PTPRT: variants seen among roughly 807,000 people sequenced by gnomAD.
PTPRT encodes the protein receptor-type tyrosine-protein phosphatase T.
In PTPRT, 56 loss-of-function variants were observed where a neutral mutation model predicts 176.8. The ratio of observed to expected loss-of-function variants is 0.32; its 90% CI spans 0.26 to 0.40. The LOEUF (loss-of-function observed/expected upper bound fraction) is 0.40. Among genes scored for constraint, PTPRT ranks in the 10% least tolerant of loss-of-function variants. The pLI, the probability that PTPRT is intolerant of heterozygous loss-of-function variation, is 1.00. For missense variants in PTPRT, 1,540 were observed against 1,908.2 expected, an observed-to-expected ratio of 0.81 and a Z score of 3.60; for synonymous variants, 783 against 739.0, an observed-to-expected ratio of 1.06 and a Z score of -0.96.
intron 1 of PTPRT, among the ~76,000 whole-genome samples, chr20:42,940,793 G>A (rs1980491948): frequency 6.6e-6 from 1 of 152,036 alleles, no homozygotes; most frequent in Non-Finnish European, 1.5e-5. Context: ...CAAAAAAATA[G>A]GATTTCAGCT....
chr20:42,553,612 T>C (rs1455825746), intron 7 of PTPRT, among the ~76,000 whole-genome samples: 1 of 152,110 alleles, frequency 6.6e-6, no homozygotes, highest in East Asian at 1.9e-4. Context: ...TACACATACT[T>C]TTACTTGACC....
At chr20:42,432,252 G>A (rs1236223406) in intron 9 of PTPRT, among the ~76,000 whole-genome samples, 1 of 152,112 alleles carries the variant, frequency 6.6e-6, no homozygotes, top group Non-Finnish European at 1.5e-5. Context: ...GCCCTTCCTG[G>A]GAGGCTGCTG....
At chr20:42,715,703 A>T (rs1046477839) in intron 6 of PTPRT, among the ~76,000 whole-genome samples, 2 of 152,212 alleles carry the variant, frequency 1.3e-5, no homozygotes, top group Non-Finnish European at 2.9e-5. Context: ...TGAGAATTTT[A>T]AAAAAACATA....
intron 16 of PTPRT, among the ~76,000 whole-genome samples, chr20:42,195,222 C>T (rs1010624515): frequency 2.0e-5 from 3 of 152,190 alleles, no homozygotes; most frequent in Admixed American, 6.5e-5. Flanking sequence ...TTGAATTAGG[C>T]TAGGGCCTAC....
intron 1 of PTPRT, among the ~76,000 whole-genome samples, chr20:43,033,932 C>T (rs1986258855): frequency 6.6e-6 from 1 of 152,202 alleles, no homozygotes; most frequent in Non-Finnish European, 1.5e-5. Flanking sequence ...CTGCCTCTCA[C>T]CGCACTACGC....
chr20:42,302,426 G>T (rs780109433), intron 12 of PTPRT, among the ~76,000 whole-genome samples: 111 of 152,098 alleles, frequency 7.3e-4, no homozygotes, highest in Non-Finnish European at 1.3e-3. Flanking sequence ...TTCTGCTCAG[G>T]TGCTTCCTTT....
intron 7 of PTPRT, among the ~76,000 whole-genome samples, chr20:42,571,847 C>T (rs2073160497): frequency 6.6e-6 from 1 of 152,154 alleles, no homozygotes; most frequent in African/African-American, 2.4e-5. Flanking sequence ...GGAAAGAATG[C>T]CCCAGCCCCT....
In PTPRT at chr20:43,169,539, G is replaced by A. The variant is rs955581002; in HGVS notation, c.88+20107C>T. 5.9e-5 allele frequency among the ~76,000 whole-genome samples: 9 copies of A among 152,160 alleles called. 1 individual carries two copies. The highest frequency in any genetic ancestry group is 1.9e-4 in the East Asian group (1 of 5,172). On this transcript the variant is annotated intron_variant, in intron 1 of 30. Transcript: ENST00000373187. The stretch of plus-strand genomic sequence containing the variant: ...ATGTAGCAACAGTTAACTAACACAG[G>A]GTCCAAACTGTCATTTCAATTCGAA...
At chr20:42,624,882 A>AC (rs1436461923) in intron 7 of PTPRT, among the ~76,000 whole-genome samples, 1 of 152,158 alleles carries the variant, frequency 6.6e-6, no homozygotes, top group African/African-American at 2.4e-5. Flanking sequence ...ACTAGCATAT[A>AC]CGGTGAGGAA....
chr20:42,167,994 T>C (rs946635638), intron 16 of PTPRT, among the ~76,000 whole-genome samples: 15 of 152,324 alleles, frequency 9.8e-5, no homozygotes, highest in Admixed American at 3.3e-4. Context: ...AACACACATG[T>C]TGTATGTTAT....
chr20:42,426,104 G>A (rs1413215775), intron 9 of PTPRT, among the ~76,000 whole-genome samples: 1 of 152,098 alleles, frequency 6.6e-6, no homozygotes, highest in African/African-American at 2.4e-5. Flanking sequence ...ATACTGGGTA[G>A]AAGAGGGTTC....
chr20:42,376,882 G>C (rs1400375828), intron 9 of PTPRT, among the ~76,000 whole-genome samples: 1 of 152,138 alleles, frequency 6.6e-6, no homozygotes, highest in South Asian at 2.1e-4. Flanking sequence ...TGAAAGGCGC[G>C]ATAAGGAAGT....
At chr20:42,431,807 A>G (rs1302300235) in intron 9 of PTPRT, among the ~76,000 whole-genome samples, 1 of 152,154 alleles carries the variant, frequency 6.6e-6, no homozygotes, top group African/African-American at 2.4e-5. Flanking sequence ...TTCAGTCATG[A>G]AGACTCTCTA....
chr20:42,689,766 G>A (rs779545758), intron 6 of PTPRT, among the ~76,000 whole-genome samples: 3 of 152,134 alleles, frequency 2.0e-5, no homozygotes, highest in Admixed American at 6.5e-5. Flanking sequence ...AAGATGCTAT[G>A]TTCTGGCTGT....
chr20:42,385,114 T>G (rs2058732638), intron 9 of PTPRT, among the ~76,000 whole-genome samples: 1 of 152,196 alleles, frequency 6.6e-6, no homozygotes, highest in South Asian at 2.1e-4. Flanking sequence ...CTATTTTTAC[T>G]TTTGTTGTTT....
intron 7 of PTPRT, among the ~76,000 whole-genome samples, chr20:42,650,856 G>C (rs1324743422): frequency 6.6e-6 from 1 of 152,086 alleles, no homozygotes; most frequent in Admixed American, 6.5e-5. Flanking sequence ...CAACGGCCAG[G>C]CAAATGCAAT....
At chr20:42,937,233 C>T (rs988492028) in intron 1 of PTPRT, among the ~76,000 whole-genome samples, 6 of 152,210 alleles carry the variant, frequency 3.9e-5, no homozygotes, top group East Asian at 1.9e-4. Flanking sequence ...CACTATCCAA[C>T]GCACTGCTCC....
chr20:42,783,821 T>C (rs920030973), intron 3 of PTPRT, among the ~76,000 whole-genome samples: 2 of 151,910 alleles, frequency 1.3e-5, no homozygotes, highest in African/African-American at 2.4e-5. Context: ...AGTCTAGAGG[T>C]GACTCTGGTG....
intron 1 of PTPRT, among the ~76,000 whole-genome samples, chr20:42,905,462 GT>G (rs1166170594): frequency 1.3e-5 from 2 of 152,220 alleles, no homozygotes; most frequent in African/African-American, 2.4e-5. Context: ...CTTTTACACT[GT>G]TGGTGGGAGT....
Sources: allele counts gnomAD v4.1 joint callset (sites outside exome capture counted in the v4.1 genomes callset), GRCh38; gene constraint gnomAD v4.1.1; transcripts MANE v1.5; gene names NCBI Gene and HGNC (gene_info 2026-07-23, HGNC 2026-07-21).